RAB3C: variants seen among roughly 807,000 people sequenced by gnomAD.
RAB3C encodes the protein RAB3C, member RAS oncogene family, also known as ras-related protein Rab-3C.
Under a neutral mutation model 26.4 loss-of-function variants are expected in RAB3C, and 17 were observed. The ratio of observed to expected loss-of-function variants is 0.64; its 90% CI spans 0.44 to 0.97. The LOEUF (loss-of-function observed/expected upper bound fraction) is 0.97, where lower values mean the gene tolerates loss of function less well. RAB3C is among the 50% of genes least tolerant of loss of function. The pLI is 0.00. For synonymous variants in RAB3C, 91 were observed against 95.9 expected (o/e 0.95, Z 0.30); for missense variants, 242 against 281.9 (o/e 0.86, Z 1.01).
intron 3 of RAB3C, among the ~76,000 whole-genome samples, chr5:58,816,194 T>C (rs2112046422): frequency 6.6e-6 from 1 of 152,234 alleles, no homozygotes; most frequent in East Asian, 1.9e-4. Context: ...GACAGGAGTT[T>C]GCGCATAAGT....
intron 2 of RAB3C, among the ~76,000 whole-genome samples, chr5:58,677,976 T>TTGTGTGTGTGTGTGTGTGTGTGTGTG (rs70973149): frequency 6.8e-6 from 1 of 147,782 alleles, no homozygotes; most frequent in South Asian, 2.2e-4. Flanking sequence ...CTAGATTATT[T>TTGTGTGTGTGTGTGTGTGTGTGTGTG]TGTGTGTGTG....
chr5:58,725,013 G>A (rs1291968781), intron 2 of RAB3C, among the ~76,000 whole-genome samples: 3 of 151,782 alleles, frequency 2.0e-5, no homozygotes, highest in Non-Finnish European at 4.4e-5. Flanking sequence ...TTGTCTATGC[G>A]CTTAATTTTA....
intron 2 of RAB3C, among the ~76,000 whole-genome samples, chr5:58,643,026 A>C (rs1747440491): frequency 6.6e-6 from 1 of 152,240 alleles, no homozygotes; most frequent in Non-Finnish European, 1.5e-5. Flanking sequence ...AAGCCAAATC[A>C]GACTCTTTAA....
intron 3 of RAB3C, among the ~76,000 whole-genome samples, chr5:58,822,176 A>T (rs1483782740): frequency 1.3e-5 from 2 of 152,210 alleles, no homozygotes; most frequent in Non-Finnish European, 2.9e-5. Flanking sequence ...GATAACAATA[A>T]ATGCACTAGA....
At chr5:58,756,542 C>G (rs931442534) in intron 3 of RAB3C, among the ~76,000 whole-genome samples, 3 of 150,096 alleles carry the variant, frequency 2.0e-5, no homozygotes, top group Admixed American at 6.7e-5. Flanking sequence ...CCCCCACCCC[C>G]CAACAGGCAC....
chr5:58,725,556 A>T (rs1740871180), intron 2 of RAB3C, among the ~76,000 whole-genome samples: 1 of 151,904 alleles, frequency 6.6e-6, no homozygotes, highest in African/African-American at 2.4e-5. Context: ...GAATGCCAAT[A>T]ATTTTTAGAT....
At chr5:58,792,619 ATAG>A (rs1024552096) in intron 3 of RAB3C, among the ~76,000 whole-genome samples, 2 of 152,098 alleles carry the variant, frequency 1.3e-5, no homozygotes, top group African/African-American at 4.8e-5. Context: ...AAGGGGAGTG[ATAG>A]TATACCTACT....
rs138879196 is a variant in RAB3C, at chr5:58,710,945, G to A, written c.253-15057G>A. On this transcript the variant is annotated intron_variant, in intron 2 of 4. Transcript: ENST00000282878. The stretch of plus-strand genomic sequence containing the variant: ...TGTCACTCAAAGTAATGTGAGATGC[G>A]GGAATCTGCTTTAATCTTGGAACAC... Among the ~76,000 whole-genome samples, 273 of 152,238 alleles carry A rather than the reference G, an allele frequency of 1.8e-3. 1 individual carries two copies. The highest frequency in any genetic ancestry group is 6.1e-3 in the African/African-American group (254 of 41,532).
intron 2 of RAB3C, among the ~76,000 whole-genome samples, chr5:58,677,610 T>C (rs930691423): frequency 1.3e-5 from 2 of 148,818 alleles, no homozygotes; most frequent in African/African-American, 4.8e-5. Context: ...TAAATAAATA[T>C]AAAAATATTG....
chr5:58,843,942 T>A (rs893558810), intron 4 of RAB3C, among the ~76,000 whole-genome samples: 1 of 152,140 alleles, frequency 6.6e-6, no homozygotes, highest in African/African-American at 2.4e-5. Flanking sequence ...TATAAATATA[T>A]ACACCTACTA....
chr5:58,708,245 C>T (rs565038997), intron 2 of RAB3C, among the ~76,000 whole-genome samples: 1 of 152,274 alleles, frequency 6.6e-6, no homozygotes, highest in East Asian at 1.9e-4. Flanking sequence ...TAGCCTCGGG[C>T]TCCCAAAGTG....
chr5:58,747,017 A>G (rs1000595830), intron 3 of RAB3C, among the ~76,000 whole-genome samples: 2 of 152,202 alleles, frequency 1.3e-5, no homozygotes, highest in Non-Finnish European at 2.9e-5. Flanking sequence ...TTTTGCCAGA[A>G]ACTTTTAAGT....
intron 2 of RAB3C, among the ~76,000 whole-genome samples, chr5:58,654,252 C>T (rs1048453883): frequency 6.6e-6 from 1 of 152,002 alleles, no homozygotes; most frequent in African/African-American, 2.4e-5. Context: ...GTGCAATGTA[C>T]CCAAGGGAAA....
intron 2 of RAB3C, among the ~76,000 whole-genome samples, chr5:58,687,033 A>T (rs995294963): frequency 1.3e-5 from 2 of 152,104 alleles, no homozygotes; most frequent in Non-Finnish European, 2.9e-5. Context: ...GAGCTCAAGG[A>T]CTTTTTCCTT....
At position 58,699,707 on chromosome 5, in the gene RAB3C, C is replaced by T. The variant is rs62366577; in HGVS notation, c.253-26295C>T. ...CTCCCCCAACCAGGCTGCTGCCTTG[C>T]CGTTCAGTCTCAGATTGCTGTGCTA... On this transcript the variant is annotated intron_variant, in intron 2 of 4. Coordinates refer to ENST00000282878, the MANE Select transcript of RAB3C (RefSeq NM_138453.4). 3.7e-3 allele frequency among the ~76,000 whole-genome samples: 562 copies of T among 152,318 alleles called. 1 individual carries two copies. The highest frequency in any genetic ancestry group is 6.3e-3 in the Non-Finnish European group (429 of 68,028).
chr5:58,647,207 C>G (rs1161532755), intron 2 of RAB3C, among the ~76,000 whole-genome samples: 1 of 152,176 alleles, frequency 6.6e-6, no homozygotes, highest in Non-Finnish European at 1.5e-5. Flanking sequence ...TCTCAGACTG[C>G]TATAAAGAAC....
At chr5:58,705,181 A>G (rs1561295406) in intron 2 of RAB3C, among the ~76,000 whole-genome samples, 1 of 152,208 alleles carries the variant, frequency 6.6e-6, no homozygotes, top group Non-Finnish European at 1.5e-5. Context: ...TTCTTCAGTG[A>G]ATCTCTGCTT....
At chr5:58,676,186 C>T (rs1279522336) in intron 2 of RAB3C, among the ~76,000 whole-genome samples, 1 of 152,152 alleles carries the variant, frequency 6.6e-6, no homozygotes, top group Non-Finnish European at 1.5e-5. Context: ...AACATTCAGA[C>T]AACCTTCTCT....
At chr5:58,691,109 A>G (rs952216839) in intron 2 of RAB3C, among the ~76,000 whole-genome samples, 1 of 151,790 alleles carries the variant, frequency 6.6e-6, no homozygotes, top group Non-Finnish European at 1.5e-5. Flanking sequence ...AAAAAAAAAA[A>G]TGGATAAATT....
Sources: allele counts gnomAD v4.1 joint callset (sites outside exome capture counted in the v4.1 genomes callset), GRCh38; gene constraint gnomAD v4.1.1; transcripts MANE v1.5; gene names NCBI Gene and HGNC (gene_info 2026-07-23, HGNC 2026-07-21).